MTHFD1L: variants seen among roughly 807,000 people sequenced by gnomAD.
The protein encoded by MTHFD1L is monofunctional C1-tetrahydrofolate synthase, mitochondrial.
Under a neutral mutation model 119.5 loss-of-function variants are expected in MTHFD1L, and 81 were observed. That is an observed-to-expected ratio of 0.68 (90% confidence interval 0.57 to 0.82). The LOEUF (loss-of-function observed/expected upper bound fraction) is 0.82. Ranked by LOEUF, MTHFD1L falls within the 40% of genes least tolerant of loss-of-function variation. The probability of loss-of-function intolerance (pLI) is 0.00; values close to 1 mark genes in which losing one functional copy is unlikely to be tolerated. For missense variants in MTHFD1L, 1,125 were observed against 1,253.4 expected (o/e 0.90, Z 1.55); for synonymous variants, 430 against 475.2 (o/e 0.90, Z 1.24).
At chr6:150,884,233 C>T (rs537095580) in intron 5 of MTHFD1L, among the ~76,000 whole-genome samples, 2 of 151,742 alleles carry the variant, frequency 1.3e-5, no homozygotes, top group South Asian at 4.2e-4. Flanking sequence ...GCTCTGCCTC[C>T]TGGGTTCACA....
At chr6:151,013,446 A>G (rs931475167) in intron 21 of MTHFD1L, among the ~76,000 whole-genome samples, 1 of 152,226 alleles carries the variant, frequency 6.6e-6, no homozygotes, top group African/African-American at 2.4e-5. Flanking sequence ...TATTAGTTTT[A>G]TGTTCTAATT....
At chr6:151,056,825 C>A (rs766932628) in intron 26 of MTHFD1L, among the ~76,000 whole-genome samples, 14 of 152,112 alleles carry the variant, frequency 9.2e-5, no homozygotes, top group Admixed American at 2.0e-4. Flanking sequence ...GGTGTTCTGA[C>A]CTGGGAGGGA....
intron 7 of MTHFD1L, among the ~76,000 whole-genome samples, chr6:150,902,240 C>T (rs974056429): frequency 9.9e-5 from 15 of 152,140 alleles, no homozygotes; most frequent in African/African-American, 2.2e-4. Flanking sequence ...CTTAAAAATT[C>T]ATGACTTTGA....
rs796424690 is a variant in MTHFD1L at position 151,059,220 on chromosome 6, T to C, written c.2847+22103T>C. On this transcript the variant is annotated intron_variant, in intron 26 of 27. Coordinates refer to ENST00000367321, the MANE Select transcript of MTHFD1L (RefSeq NM_015440.5). Reference sequence around the variant, plus strand: ...GTGGTGGTGGTGGTGGTGGTTGTGGTGGTTGTTTTAGATGCAGTCTCACTC... The same window carrying C: ...GTGGTGGTGGTGGTGGTGGTTGTGGCGGTTGTTTTAGATGCAGTCTCACTC... Among the ~76,000 whole-genome samples, 14 of 152,202 alleles carry C rather than the reference T, an allele frequency of 9.2e-5. 1 individual carries two copies. Among genetic ancestry groups the C allele is most frequent in the African/African-American group, 3.1e-4 (13 of 41,524 alleles).
intron 10 of MTHFD1L, among the ~76,000 whole-genome samples, chr6:150,923,285 C>T (rs988944192): frequency 1.3e-5 from 2 of 151,994 alleles, no homozygotes; most frequent in African/African-American, 4.8e-5. Context: ...GTCATAGTCT[C>T]AGCTTGTGGT....
At chr6:151,036,867 G>A (rs1053161578) in intron 25 of MTHFD1L, 98 bp from the exon 26 acceptor site, 38 of 1,306,918 alleles carry the variant, frequency 2.9e-5, no homozygotes, top group Middle Eastern at 5.2e-4. Flanking sequence ...GATCTGAGCC[G>A]GCATACCATT....
At chr6:151,025,566 C>T (rs557892222) in intron 24 of MTHFD1L, among the ~76,000 whole-genome samples, 281 of 152,240 alleles carry the variant, frequency 1.8e-3, no homozygotes, top group African/African-American at 6.7e-3. Flanking sequence ...ACTGTGTATC[C>T]GGAAATGTCT....
intron 16 of MTHFD1L, among the ~76,000 whole-genome samples, chr6:150,955,044 C>T (rs58274902): frequency 0.022 from 3,214 of 147,666 alleles, 116 homozygotes; most frequent in African/African-American, 0.074. Context: ...ATATACATAA[C>T]GAAATATTTT....
chr6:150,988,945 G>A (rs1778692507), intron 20 of MTHFD1L, among the ~76,000 whole-genome samples: 1 of 152,126 alleles, frequency 6.6e-6, no homozygotes, highest in African/African-American at 2.4e-5. Context: ...TCTCCATGTT[G>A]GTCAGGCTGG....
At chr6:150,916,321 A>G (rs1422935823) in intron 8 of MTHFD1L, among the ~76,000 whole-genome samples, 1 of 42,672 alleles carries the variant, frequency 2.3e-5, no homozygotes, top group Admixed American at 3.5e-4. Flanking sequence ...TTTTTTTTTC[A>G]GATAGAGTTT....
chr6:150,874,549 T>G (rs1780078459), intron 1 of MTHFD1L, among the ~76,000 whole-genome samples: 1 of 152,218 alleles, frequency 6.6e-6, no homozygotes, highest in South Asian at 2.1e-4. Context: ...TTAGGTGCAG[T>G]GCAAGACCCT....
At chr6:151,044,492 G>A (rs1006403124) in intron 26 of MTHFD1L, among the ~76,000 whole-genome samples, 3 of 151,738 alleles carry the variant, frequency 2.0e-5, no homozygotes, top group African/African-American at 7.3e-5. Flanking sequence ...TAATAGAGAT[G>A]GCATTTCACT....
chr6:151,099,880 G>C (rs1483183129), intron 27 of MTHFD1L: 1 of 1,529,388 alleles, frequency 6.5e-7, no homozygotes, highest in East Asian at 2.2e-5. Flanking sequence ...TGCCCAACTG[G>C]CCATCACAGT....
intron 8 of MTHFD1L, among the ~76,000 whole-genome samples, chr6:150,917,315 G>A (rs1788146061): frequency 6.6e-6 from 1 of 151,988 alleles, no homozygotes; most frequent in African/African-American, 2.4e-5. Context: ...CTGAGGCCAG[G>A]AGTTTGAGAC....
At chr6:150,997,587 G>A (rs775635392) in intron 20 of MTHFD1L, among the ~76,000 whole-genome samples, 6 of 152,002 alleles carry the variant, frequency 3.9e-5, no homozygotes, top group African/African-American at 7.3e-5. Flanking sequence ...CCAGGAGTTC[G>A]AGACCAGCCT....
In MTHFD1L at chr6:150,940,221, A is replaced by G. The variant is rs1208021882; in HGVS notation, c.1440+1476A>G. Among the ~76,000 whole-genome samples the G allele has an allele frequency of 2.6e-5, 4 of 152,106 alleles. No individual in the cohort carries two copies. The East Asian group carries it at 7.7e-4, about 29-fold the overall frequency. ...GCAGAGTGCCCAGCACATAGTAGGAACTCACTAGAAAGTACTTGTTGACTT... is the reference window on the plus strand; with the variant it reads ...GCAGAGTGCCCAGCACATAGTAGGAGCTCACTAGAAAGTACTTGTTGACTT... On this transcript the variant is annotated intron_variant, in intron 13 of 27. Transcript: ENST00000367321.
intron 8 of MTHFD1L, among the ~76,000 whole-genome samples, chr6:150,906,132 TA>T (rs888128094): frequency 1.3e-5 from 2 of 152,222 alleles, no homozygotes; most frequent in African/African-American, 4.8e-5. Flanking sequence ...TCTCACTATG[TA>T]AAAGCAGATG....
chr6:150,879,339 G>A (rs1206659811), intron 4 of MTHFD1L, among the ~76,000 whole-genome samples: 2 of 152,002 alleles, frequency 1.3e-5, no homozygotes, highest in East Asian at 3.9e-4. Flanking sequence ...TCAGGCTGGA[G>A]TGCGGTGGTG....
At chr6:150,999,933 G>A (rs1314817159) in intron 20 of MTHFD1L, among the ~76,000 whole-genome samples, 4 of 152,150 alleles carry the variant, frequency 2.6e-5, no homozygotes, top group African/African-American at 7.2e-5. Context: ...TCCCAAATAC[G>A]TCCCCAGTAA....
Sources: gnomAD v4.1 joint callset for allele counts (sites outside exome capture counted in the v4.1 genomes callset) on GRCh38, gnomAD v4.1.1 for gene constraint, MANE v1.5 for transcripts, NCBI Gene and HGNC (gene_info 2026-07-23, HGNC 2026-07-21) for gene names.